IMPA1: variants seen among roughly 807,000 people sequenced by gnomAD.
IMPA1 encodes D-galactose 1-phosphate phosphatase.
A neutral mutation model predicts 34.9 loss-of-function variants in IMPA1; 21 were observed. That is an observed-to-expected ratio of 0.60 (90% CI 0.43 to 0.87). IMPA1 has a LOEUF of 0.87. Among genes scored for constraint, IMPA1 ranks in the 40% least tolerant of loss-of-function variants. IMPA1 has a pLI of 0.00. For missense variants in IMPA1, 299 were observed against 336.4 expected (o/e 0.89, Z 0.87); for synonymous variants, 95 against 104.4 (o/e 0.91, Z 0.55).
chr8:81,676,313 AC>A, intron 4 of IMPA1, 34 bp from the exon 5 acceptor site: 1 of 1,033,784 alleles, frequency 9.7e-7, no homozygotes, highest in Non-Finnish European at 1.4e-6. Context: ...ATACAAATTA[AC>A]CAACATAGAA....
At chr8:81,663,514 A>T (rs1806735438) in intron 7 of IMPA1, among the ~76,000 whole-genome samples, 1 of 152,244 alleles carries the variant, frequency 6.6e-6, no homozygotes, top group Non-Finnish European at 1.5e-5. Flanking sequence ...GATCTCAAGC[A>T]GCCACATCAC....
intron 2 of IMPA1, among the ~76,000 whole-genome samples, chr8:81,681,268 G>A (rs1411881615): frequency 6.6e-6 from 1 of 152,132 alleles, no homozygotes; most frequent in East Asian, 1.9e-4. Flanking sequence ...GCTCATGCCT[G>A]CTGTAGTCCC....
At chr8:81,684,743 A>C (rs969621033) in intron 1 of IMPA1, among the ~76,000 whole-genome samples, 27 of 144,268 alleles carry the variant, frequency 1.9e-4, no homozygotes, top group South Asian at 1.1e-3. Context: ...TATATATACT[A>C]CACATAAGTA....
intron 2 of IMPA1, 53 bp downstream of exon 2, chr8:81,681,445 T>C (rs1187946005): frequency 1.0e-6 from 1 of 986,112 alleles, no homozygotes; most frequent in Non-Finnish European, 1.6e-6. Flanking sequence ...CAACACAGTA[T>C]ACCCACCAAT....
intron 7 of IMPA1, among the ~76,000 whole-genome samples, chr8:81,661,113 G>A (rs1023256308): frequency 2.4e-4 from 37 of 152,176 alleles, no homozygotes; most frequent in Admixed American, 1.6e-3. Context: ...TGTGCCTAAA[G>A]CAACAACAGC....
In IMPA1 at chr8:81,664,449, G is replaced by A. The variant is rs563036952; in HGVS notation, c.567-3782C>T. ...GCAGAGAAGGCAGAAAAGACTTTGT[G>A]AGAAAGAACAAGGAGGAGCAGAGGA... On this transcript the variant is annotated intron_variant, in intron 7 of 8. Transcript: ENST00000256108. Among the ~76,000 whole-genome samples the A allele has an allele frequency of 1.0e-3, 154 of 152,330 alleles. 1 individual carries two copies. Among genetic ancestry groups the A allele is most frequent in the African/African-American group, 3.5e-3 (147 of 41,556 alleles).
At position 81,676,089 on chromosome 8, in the gene IMPA1, A is replaced by G. The variant is rs1030199554; in HGVS notation, c.348+145T>C. ...AATGCAAATGTATCATGAAAATTTT[A>G]ACAGTCCTGTAGCTTATATTCAAAA... On this transcript the variant is annotated intron_variant, in intron 5 of 8. Transcript: ENST00000256108. The G allele has an allele frequency of 2.9e-5, 11 of 384,822 alleles. 1 individual carries two copies. In the South Asian group the frequency reaches 5.6e-4, roughly 20 times the overall value. The allele number at this position is 384,822 out of a possible 1,614,324, so 23.8% of individuals were successfully genotyped here.
intron 1 of IMPA1, among the ~76,000 whole-genome samples, chr8:81,683,703 C>G (rs1807371893): frequency 6.6e-6 from 1 of 152,108 alleles, no homozygotes; most frequent in Admixed American, 6.6e-5. Flanking sequence ...ATCATGGATC[C>G]TGAGCTCACA....
intron 1 of IMPA1, among the ~76,000 whole-genome samples, chr8:81,684,610 G>GA (rs1807433876): frequency 2.5e-5 from 1 of 39,826 alleles, no homozygotes; most frequent in African/African-American, 9.1e-5. Flanking sequence ...TATATATCTA[G>GA]TATATATATA....
intron 1 of IMPA1, among the ~76,000 whole-genome samples, chr8:81,685,115 ACATT>A (rs1425442118): frequency 7.3e-6 from 1 of 136,288 alleles, no homozygotes; most frequent in Non-Finnish European, 1.5e-5. Context: ...TATATAGTAT[ACATT>A]AAGTATATTT....
chr8:81,680,467 C>T (rs1262446815), intron 3 of IMPA1, among the ~76,000 whole-genome samples, 183 bp downstream of exon 3: 2 of 152,192 alleles, frequency 1.3e-5, no homozygotes, highest in Admixed American at 6.5e-5. Flanking sequence ...CCAACAATCA[C>T]GTGAGTGAAT....
intron 1 of IMPA1, chr8:81,685,888 G>A (rs1807506957): frequency 1.1e-5 from 17 of 1,547,446 alleles, no homozygotes; most frequent in Non-Finnish European, 1.5e-5. Flanking sequence ...GCGACTGCGG[G>A]CAGCACAGGA....
At chr8:81,683,492 AGTTCAGATTTCCTCTGAATCTGGAT>A (rs1417824344) in intron 1 of IMPA1, among the ~76,000 whole-genome samples, 6 of 152,302 alleles carry the variant, frequency 3.9e-5, no homozygotes, top group Non-Finnish European at 8.8e-5. Flanking sequence ...GGACAGGAAG[AGTTCAGATTTCCTCTGAATCTGGAT>A]GTCCAGATTT....
intron 8 of IMPA1, 109 bp downstream of exon 8, chr8:81,660,407 C>T: frequency 2.4e-6 from 2 of 845,750 alleles, no homozygotes; most frequent in South Asian, 1.8e-5. Flanking sequence ...TAGCTTGTTT[C>T]TGCTTCAAAA....
intron 1 of IMPA1, 66 bp from the exon 2 acceptor site, chr8:81,681,650 C>A: frequency 1.1e-6 from 1 of 900,720 alleles, no homozygotes; most frequent in Non-Finnish European, 1.8e-6. Flanking sequence ...ACAAAAACGT[C>A]TTAATTAGAA....
chr8:81,678,047 T>C lies in IMPA1; in HGVS notation c.302+1079A>G, dbSNP rs571997119. ...TACAATTCTACGAGGCAAGTGCTAT[T>C]AATACGGCCTTTTTATAAATGTTTT... On this transcript the variant is annotated intron_variant, in intron 4 of 8. Transcript: ENST00000256108. Among the ~76,000 whole-genome samples the C allele has an allele frequency of 3.9e-5, 6 of 152,382 alleles. No individual in the cohort carries two copies. In the South Asian group the frequency reaches 1.2e-3, roughly 32 times the overall value.
chr8:81,683,997 G>A, intron 1 of IMPA1, among the ~76,000 whole-genome samples: 1 of 151,874 alleles, frequency 6.6e-6, no homozygotes, highest in East Asian at 1.9e-4. Flanking sequence ...AGACAAGGTA[G>A]GTCAGAGAAT....
intron 3 of IMPA1, among the ~76,000 whole-genome samples, chr8:81,679,777 C>T (rs370696327): frequency 1.9e-4 from 29 of 152,024 alleles, no homozygotes; most frequent in African/African-American, 6.8e-4. Context: ...AGATGTTATA[C>T]TAGGGTAAGG....
rs929213633 is a variant in IMPA1 at position 81,658,957 on chromosome 8, T to C, written c.*394A>G. 5 of 200,428 alleles carry C rather than the reference T, an allele frequency of 2.5e-5. No individual in the cohort carries two copies. The highest frequency in any genetic ancestry group is 9.6e-5 in the African/African-American group (4 of 41,846). The allele number at this position is 200,428 out of a possible 1,614,324, so 12.4% of individuals were successfully genotyped here. ...TTACAAATTTAATTATATATGGTTT[T>C]TGAAACTAAAGAGAAATGTTTTTCC... is the stretch of plus-strand genomic sequence containing the variant. On this transcript the variant is annotated 3_prime_UTR_variant, in exon 9 of 9. Transcript: ENST00000256108.
Sources: allele counts gnomAD v4.1 joint callset (sites outside exome capture counted in the v4.1 genomes callset), GRCh38; gene constraint gnomAD v4.1.1; transcripts MANE v1.5; gene names NCBI Gene and HGNC (gene_info 2026-07-23, HGNC 2026-07-21).